The following TNFRSF8 variants were observed in gnomAD, a reference collection of about 807,000 sequenced individuals.
TNFRSF8 encodes tumor necrosis factor receptor superfamily member 8.
A neutral mutation model predicts 70.8 loss-of-function variants in TNFRSF8; 26 were observed. That is an observed-to-expected ratio of 0.37 (90% confidence interval 0.27 to 0.51). TNFRSF8 has a LOEUF of 0.51. Ranked by LOEUF, TNFRSF8 falls within the 20% of genes least tolerant of loss-of-function variation. The pLI, the probability that TNFRSF8 is intolerant of heterozygous loss-of-function variation, is 0.94. For missense variants in TNFRSF8, 720 were observed against 807.9 expected, an observed-to-expected ratio of 0.89 and a Z score of 1.32; for synonymous variants, 356 against 339.2, an observed-to-expected ratio of 1.05 and a Z score of -0.54.
At chr1:12,107,394 CA>C (rs57800364) in intron 4 of TNFRSF8, among the ~76,000 whole-genome samples, 9 of 145,884 alleles carry the variant, frequency 6.2e-5, no homozygotes, top group Non-Finnish European at 7.5e-5. Context: ...GACTCTGTTT[CA>C]AAAAAAAAAT....
At chr1:12,102,623 T>G (rs1028151384) in intron 3 of TNFRSF8, among the ~76,000 whole-genome samples, 5 of 152,202 alleles carry the variant, frequency 3.3e-5, no homozygotes, top group African/African-American at 1.2e-4. Flanking sequence ...CTTCTCGGGT[T>G]CAAGTGATTT....
chr1:12,112,038 G>A lies in TNFRSF8; in HGVS notation c.793+24G>A. The A allele has an allele frequency of 6.3e-7, 1 of 1,581,212 alleles. No homozygotes were observed. Among genetic ancestry groups the A allele is most frequent in the Non-Finnish European group, 8.7e-7 (1 of 1,151,722 alleles). On this transcript the variant is annotated intron_variant, in intron 7 of 14. Coordinates refer to ENST00000263932, the MANE Select transcript of TNFRSF8 (RefSeq NM_001243.5). The surrounding 1 kb of genome is among the most constrained non-coding windows in gnomAD (Gnocchi z 5.3). ...AGGTAAGGGCCTCGTCCCTCCCCGG[G>A]CCTCAGTTTACCTCTCTGCATTTTT... is the stretch of plus-strand genomic sequence containing the variant.
In TNFRSF8 at chr1:12,109,452, C is replaced by A; in HGVS notation, c.422-114C>A. The A allele has an allele frequency of 2.5e-6, 2 of 784,996 alleles. No individual in the cohort carries two copies. Among genetic ancestry groups the A allele is most frequent in the Non-Finnish European group, 2.1e-6 (1 of 485,284 alleles). The allele number at this position is 784,996 out of a possible 1,614,324, so 48.6% of individuals were successfully genotyped here. A position where few individuals can be genotyped will look rare whatever the true frequency, so the allele number is the denominator to read the frequency against. On this transcript the variant is annotated intron_variant, in intron 4 of 14. Transcript: ENST00000263932. The surrounding 1 kb of genome is among the most constrained non-coding windows in gnomAD (Gnocchi z 4.4). ...GGCGGGTGCCACCTCCAGATGACTG[C>A]TGTGTTTTCCAAGGGCCCCATCTCC...
chr1:12,085,191 A>G (rs1012466068), intron 2 of TNFRSF8, among the ~76,000 whole-genome samples: 18 of 151,358 alleles, frequency 1.2e-4, no homozygotes, highest in African/African-American at 4.4e-4. Flanking sequence ...GCTCACTGCA[A>G]CCTCCACCTC....
chr1:12,084,415 A>T lies in TNFRSF8; in HGVS notation c.64-49A>T. 2.6e-6 allele frequency: 4 copies of T among 1,536,092 alleles called. No individual in the cohort carries two copies. The South Asian group carries it at 4.5e-5, about 17-fold the overall frequency. On this transcript the variant is annotated intron_variant, in intron 1 of 14. Transcript: ENST00000263932. ...TGGGACTGGTGGGGACAGAGGGAGT[A>T]TGGATATCTGGGATCCACCTGGCCT...
intron 13 of TNFRSF8, among the ~76,000 whole-genome samples, chr1:12,135,840 C>T (rs1374073297): frequency 2.6e-5 from 4 of 152,182 alleles, no homozygotes; most frequent in Non-Finnish European, 2.9e-5. Flanking sequence ...GGGCCTCAGC[C>T]AGGCCTTGGC....
chr1:12,073,963 G>T (rs1289147860), intron 1 of TNFRSF8, among the ~76,000 whole-genome samples: 1 of 152,082 alleles, frequency 6.6e-6, no homozygotes, highest in Non-Finnish European at 1.5e-5. Context: ...CGTACTTCAG[G>T]GCTGGGTGGG....
intron 12 of TNFRSF8, among the ~76,000 whole-genome samples, chr1:12,129,204 T>A (rs74053022): frequency 0.014 from 2,065 of 152,284 alleles, 49 homozygotes; most frequent in African/African-American, 0.045. Flanking sequence ...AGATTTAGGT[T>A]GAAAGAAATT....
At position 12,096,424 on chromosome 1, in the gene TNFRSF8, TAAA is replaced by T. The variant is rs34433681; in HGVS notation, c.152-659_152-657del. ...GTGTTTTAGCTTATAGCTGATGAGC[TAAA>T]AAAAAAAAAAAAAAAAATCACACAC... On this transcript the variant is annotated intron_variant, in intron 2 of 14. Coordinates refer to ENST00000263932, the MANE Select transcript of TNFRSF8 (RefSeq NM_001243.5). Among the ~76,000 whole-genome samples, 577 of 135,038 alleles carry T rather than the reference TAAA, an allele frequency of 4.3e-3. 5 individuals are homozygous for T. The highest frequency in any genetic ancestry group is 0.013 in the African/African-American group (485 of 36,842). 88.6% of individuals were successfully genotyped at this position (135,038 alleles called of 152,430 possible).
chr1:12,099,660 C>T (rs574269342), intron 3 of TNFRSF8, among the ~76,000 whole-genome samples: 1 of 151,666 alleles, frequency 6.6e-6, no homozygotes, highest in Non-Finnish European at 1.5e-5. Flanking sequence ...TTCTGACAAA[C>T]GTGTCATTAG....
chr1:12,080,613 A>G (rs1316451452), intron 1 of TNFRSF8: 2 of 332,664 alleles, frequency 6.0e-6, no homozygotes, highest in African/African-American at 2.2e-5. Context: ...GCTGGAGTGC[A>G]ATGGTGCGTT....
chr1:12,122,383 A>G (rs892187067), intron 8 of TNFRSF8, among the ~76,000 whole-genome samples: 1 of 151,726 alleles, frequency 6.6e-6, no homozygotes, highest in African/African-American at 2.4e-5. Context: ...ATGGTGGCTC[A>G]CGCCTACGAT....
At position 12,142,294 on chromosome 1, in the gene TNFRSF8, C is replaced by A; in HGVS notation, c.1551C>A (p.Ile517=). 1 of 1,592,572 alleles carries A rather than the reference C, an allele frequency of 6.3e-7. No homozygotes were observed. The highest frequency in any genetic ancestry group is 8.6e-7 in the Non-Finnish European group (1 of 1,168,138). The change falls in exon 15 of 15, where the codon ATC becomes ATA. Residue 517 remains isoleucine, a synonymous_variant. Coordinates refer to ENST00000263932, the MANE Select transcript of TNFRSF8 (RefSeq NM_001243.5). This position sits in a 1 kb window ranked among gnomAD's most constrained non-coding sequence, Gnocchi z 5.0. ...CATCCTTTTGCCTTGCAGAGAAAAT[C>A]TACATCATGAAGGCTGACACCGTGA... ...TEHTNNKIEK[I]YIMKADTVIV...
chr1:12,111,673 G>T (rs11121870), intron 6 of TNFRSF8, among the ~76,000 whole-genome samples: 8,610 of 152,250 alleles, frequency 0.057, 328 homozygotes, highest in Non-Finnish European at 0.08. Flanking sequence ...AGGAACAGTG[G>T]GCAGGGGCTG....
intron 1 of TNFRSF8, among the ~76,000 whole-genome samples, chr1:12,064,998 T>C (rs544375840): frequency 1.6e-4 from 25 of 151,988 alleles, no homozygotes; most frequent in Middle Eastern, 3.4e-3. Context: ...CTTTTTTTAA[T>C]GTTAGAGACA....
chr1:12,078,506 G>A (rs1194462974), intron 1 of TNFRSF8, among the ~76,000 whole-genome samples: 1 of 152,208 alleles, frequency 6.6e-6, no homozygotes, highest in African/African-American at 2.4e-5. Context: ...AGAGGTTGCA[G>A]TGAGCCGAGA....
rs1037782083 is a variant in TNFRSF8 at position 12,089,142 on chromosome 1, C to T, written c.151+4591C>T. On this transcript the variant is annotated intron_variant, in intron 2 of 14. Coordinates refer to ENST00000263932, the MANE Select transcript of TNFRSF8 (RefSeq NM_001243.5). ...ATTTGTTGGATGGATGGAGGGATGG[C>T]CCTCCCTGACCCCAAGCCAGCTCAG... is the stretch of plus-strand genomic sequence containing the variant. Among the ~76,000 whole-genome samples the T allele has an allele frequency of 5.3e-5, 8 of 152,250 alleles. No homozygotes were observed. In the East Asian group the frequency reaches 5.8e-4, roughly 11 times the overall value.
Position 12,107,091 on chromosome 1 carries a change from A to G in TNFRSF8, c.422-2475A>G, listed in dbSNP as rs368301291. On this transcript the variant is annotated intron_variant, in intron 4 of 14. Coordinates refer to ENST00000263932, the MANE Select transcript of TNFRSF8 (RefSeq NM_001243.5). Reference sequence around the variant, plus strand: ...TGCCCCTGGCCCGTGGCACGTGGCCACGCACTTAAAATGCAGCTAGGGGCC... The same window carrying G: ...TGCCCCTGGCCCGTGGCACGTGGCCGCGCACTTAAAATGCAGCTAGGGGCC... 4.3e-4 allele frequency among the ~76,000 whole-genome samples: 65 copies of G among 152,312 alleles called. No homozygotes were observed. The East Asian group carries it at 4.4e-3, about 10-fold the overall frequency.
chr1:12,111,773 G>A (rs1641635999), intron 6 of TNFRSF8, 125 bp from the exon 7 acceptor site: 1 of 766,402 alleles, frequency 1.3e-6, no homozygotes, highest in East Asian at 2.5e-5. Context: ...TGAAAGGCTG[G>A]ACTGAGCTGA....
Sources: gnomAD v4.1 joint callset for allele counts (sites outside exome capture counted in the v4.1 genomes callset) on GRCh38, gnomAD v4.1.1 for gene constraint, Gnocchi (gnomAD v3.1) non-coding constraint, MANE v1.5 for transcripts, NCBI Gene and HGNC (gene_info 2026-07-23, HGNC 2026-07-21) for gene names.